RIMS1: variants seen among roughly 807,000 people sequenced by gnomAD.
The protein encoded by RIMS1 is regulating synaptic membrane exocytosis protein 1.
In RIMS1, 83 loss-of-function variants were observed where a neutral mutation model predicts 214.1. The observed-to-expected ratio is 0.39, with a 90% CI of 0.32 to 0.47. The LOEUF (loss-of-function observed/expected upper bound fraction) is 0.47. RIMS1 is among the 20% of genes least tolerant of loss of function. The pLI, the probability that RIMS1 is intolerant of heterozygous loss-of-function variation, is 0.99. For missense variants in RIMS1, 2,050 were observed against 2,161.8 expected (o/e 0.95, Z 1.03); for synonymous variants, 793 against 786.8 (o/e 1.01, Z -0.13).
intron 1 of RIMS1, among the ~76,000 whole-genome samples, chr6:71,891,630 C>T (rs376376806): frequency 2.0e-4 from 30 of 152,208 alleles, no homozygotes; most frequent in African/African-American, 6.3e-4. Flanking sequence ...ATGAGGATAG[C>T]GTTCCTATGT....
intron 2 of RIMS1, among the ~76,000 whole-genome samples, chr6:72,034,067 G>A (rs1818905403): frequency 6.6e-6 from 1 of 152,010 alleles, no homozygotes; most frequent in African/African-American, 2.4e-5. Context: ...CATGCTCAGT[G>A]GTTCATAAGT....
intron 2 of RIMS1, among the ~76,000 whole-genome samples, chr6:72,074,111 TC>T (rs1322216952): frequency 6.6e-6 from 1 of 152,116 alleles, no homozygotes; most frequent in Non-Finnish European, 1.5e-5. Context: ...CCTTTAAGTC[TC>T]ATACATTTCT....
chr6:72,092,196 A>G (rs1836412971), intron 2 of RIMS1, among the ~76,000 whole-genome samples: 1 of 152,210 alleles, frequency 6.6e-6, no homozygotes. Flanking sequence ...TTAATAGAAC[A>G]GTGCAGGTTA....
intron 2 of RIMS1, among the ~76,000 whole-genome samples, chr6:71,979,884 A>T (rs1798076141): frequency 6.6e-6 from 1 of 152,146 alleles, no homozygotes; most frequent in African/African-American, 2.4e-5. Flanking sequence ...TGCTCAGTAA[A>T]AATGAAGATT....
intron 4 of RIMS1, among the ~76,000 whole-genome samples, chr6:72,131,479 T>C (rs1340251788): frequency 6.6e-6 from 1 of 152,182 alleles, no homozygotes; most frequent in Non-Finnish European, 1.5e-5. Context: ...TGTTCCGTGA[T>C]GTCCCACAAG....
At chr6:72,111,187 T>C (rs2036010854) in intron 4 of RIMS1, among the ~76,000 whole-genome samples, 1 of 152,222 alleles carries the variant, frequency 6.6e-6, no homozygotes, top group Non-Finnish European at 1.5e-5. Context: ...TCTGTAGGCA[T>C]GTCTTTCTTT....
chr6:72,105,433 A>T (rs529485037), intron 4 of RIMS1, among the ~76,000 whole-genome samples: 1 of 152,170 alleles, frequency 6.6e-6, no homozygotes, highest in East Asian at 1.9e-4. Context: ...ATTCAATTGC[A>T]TTTCATCACT....
At chr6:72,237,661 G>C (rs2064806415) in intron 8 of RIMS1, among the ~76,000 whole-genome samples, 162 bp from the exon 9 acceptor site, 1 of 148,254 alleles carries the variant, frequency 6.7e-6, no homozygotes, top group Non-Finnish European at 1.5e-5. Context: ...GGGTGACAGA[G>C]CAAGATCCCA....
chr6:72,088,265 T>A (rs1835221418), intron 2 of RIMS1, among the ~76,000 whole-genome samples: 1 of 121,190 alleles, frequency 8.3e-6, no homozygotes, highest in Non-Finnish European at 1.9e-5. Flanking sequence ...TTATTTATTT[T>A]GAGACCGAGT....
intron 4 of RIMS1, among the ~76,000 whole-genome samples, chr6:72,141,792 T>C (rs970638295): frequency 2.0e-5 from 3 of 152,004 alleles, no homozygotes; most frequent in African/African-American, 7.2e-5. Flanking sequence ...GATAAGTCAC[T>C]AGACTTGGAT....
At chr6:72,245,746 A>G (rs2069214757) in intron 10 of RIMS1, 69 bp from the exon 11 acceptor site, 9 of 1,203,266 alleles carry the variant, frequency 7.5e-6, no homozygotes, top group Non-Finnish European at 1.1e-5. Flanking sequence ...ATCACGTATA[A>G]TGGGCTATGA....
intron 7 of RIMS1, among the ~76,000 whole-genome samples, chr6:72,234,652 C>A (rs1250998690): frequency 6.6e-6 from 1 of 151,930 alleles, no homozygotes; most frequent in Non-Finnish European, 1.5e-5. Flanking sequence ...TAATGTCATG[C>A]GTCCACCATT....
At chr6:71,995,421 G>T (rs1803082942) in intron 2 of RIMS1, among the ~76,000 whole-genome samples, 1 of 149,070 alleles carries the variant, frequency 6.7e-6, no homozygotes, top group Admixed American at 6.7e-5. Flanking sequence ...TTCTGTCTCT[G>T]GTTTCTGATT....
At chr6:71,952,746 G>A (rs899047328) in intron 1 of RIMS1, among the ~76,000 whole-genome samples, 3 of 152,274 alleles carry the variant, frequency 2.0e-5, no homozygotes, top group Non-Finnish European at 4.4e-5. Flanking sequence ...ATGAATCTCA[G>A]GGCACAGCGT....
At chr6:72,242,060 G>T (rs2067185509) in intron 9 of RIMS1, among the ~76,000 whole-genome samples, 1 of 151,986 alleles carries the variant, frequency 6.6e-6, no homozygotes, top group African/African-American at 2.4e-5. Context: ...AAAAGATAAA[G>T]GTAGTTTTGT....
At chr6:72,226,012 C>A (rs747153339) in intron 6 of RIMS1, among the ~76,000 whole-genome samples, 13 of 152,068 alleles carry the variant, frequency 8.5e-5, no homozygotes, top group Non-Finnish European at 1.9e-4. Flanking sequence ...ACCTTGAAGA[C>A]TTTTCTTCAG....
At chr6:71,950,346 G>T (rs1364366146) in intron 1 of RIMS1, among the ~76,000 whole-genome samples, 1 of 151,824 alleles carries the variant, frequency 6.6e-6, no homozygotes, top group Non-Finnish European at 1.5e-5. Context: ...TAAAACAGGT[G>T]AATTTTATTG....
At chr6:71,956,296 C>G (rs1244778498) in intron 1 of RIMS1, among the ~76,000 whole-genome samples, 2 of 152,000 alleles carry the variant, frequency 1.3e-5, no homozygotes, top group Non-Finnish European at 1.5e-5. Context: ...TTCTTTCTTT[C>G]TTTCCACAAT....
chr6:72,256,749 T>C (rs983537967), intron 16 of RIMS1, among the ~76,000 whole-genome samples: 2 of 151,834 alleles, frequency 1.3e-5, no homozygotes, highest in Non-Finnish European at 2.9e-5. Flanking sequence ...ACTTAGTTGG[T>C]CTCTTTCTAG....
Sources: allele counts gnomAD v4.1 joint callset (sites outside exome capture counted in the v4.1 genomes callset), GRCh38; gene constraint gnomAD v4.1.1; transcripts MANE v1.5; gene names NCBI Gene and HGNC (gene_info 2026-07-23, HGNC 2026-07-21).